Variants in BAZ2B observed in about 807,000 individuals in gnomAD.
BAZ2B encodes bromodomain adjacent to zinc finger domain 2B.
BAZ2B carries 91 observed loss-of-function variants against 246.0 expected under a neutral mutation model. The ratio of observed to expected loss-of-function variants is 0.37; its 90% CI spans 0.31 to 0.44. The LOEUF (loss-of-function observed/expected upper bound fraction) is 0.44. Ranked by LOEUF, BAZ2B falls within the 20% of genes least tolerant of loss-of-function variation. The probability of loss-of-function intolerance (pLI) is 1.00; values close to 1 mark genes in which losing one functional copy is unlikely to be tolerated. For synonymous variants in BAZ2B, 855 were observed against 860.0 expected, an observed-to-expected ratio of 0.99 and a Z score of 0.10; for missense variants, 2,332 against 2,533.7, an observed-to-expected ratio of 0.92 and a Z score of 1.71.
At chr2:159,670,428 A>ACTATATCT in the BAZ2B span, among the ~76,000 whole-genome samples, 1 of 152,310 alleles carries the variant, frequency 6.6e-6, no homozygotes, top group Non-Finnish European at 1.5e-5. Context: ...CAAGCAGAAC[A>ACTATATCT]CTATATCTCT....
chr2:159,611,518 G>A (rs1301888328), intron 1 of BAZ2B, among the ~76,000 whole-genome samples: 1 of 151,804 alleles, frequency 6.6e-6, no homozygotes, highest in Non-Finnish European at 1.5e-5. Context: ...AAAAGGAAAG[G>A]GTCCCTATAA....
rs917085950 is a variant in BAZ2B, at chr2:159,319,604, T to A, written c.*661A>T. 1 of 152,758 alleles carries A rather than the reference T, an allele frequency of 6.5e-6. No individual in the cohort carries two copies. 9.5% of individuals were successfully genotyped at this position (152,758 alleles called of 1,614,324 possible). A position where few individuals can be genotyped will look rare whatever the true frequency, so the allele number is the denominator to read the frequency against. ...ATACATGTCAATTTTTTCACTGTTTTGAAATACAATTTAACTACACAAGTG... is the reference window on the plus strand; with the variant it reads ...ATACATGTCAATTTTTTCACTGTTTAGAAATACAATTTAACTACACAAGTG... On this transcript the variant is annotated 3_prime_UTR_variant, in exon 37 of 37. Transcript: ENST00000392783. This position sits in a 1 kb window ranked among gnomAD's most constrained non-coding sequence, Gnocchi z 4.0.
At chr2:159,680,734 T>C in the BAZ2B span, among the ~76,000 whole-genome samples, 1 of 152,130 alleles carries the variant, frequency 6.6e-6, no homozygotes, top group African/African-American at 2.4e-5. Context: ...CTTATATATA[T>C]TCCTTATCCT....
intron 1 of BAZ2B, among the ~76,000 whole-genome samples, chr2:159,607,860 T>C (rs1553751705): frequency 6.6e-6 from 1 of 152,218 alleles, no homozygotes; most frequent in Non-Finnish European, 1.5e-5. Flanking sequence ...TGAACTTCCA[T>C]AAATTGTTAT....
intron 18 of BAZ2B, among the ~76,000 whole-genome samples, chr2:159,398,533 G>A (rs928168876): frequency 2.0e-5 from 3 of 151,800 alleles, no homozygotes; most frequent in African/African-American, 2.4e-5. Flanking sequence ...AACAGTTTTG[G>A]GGGGGGTCAT....
rs374460414 is a variant in BAZ2B, at chr2:159,348,970, T to A, written c.5137+37A>T. ...AATACAGGAATCCATAATATTGAAA[T>A]TGAGTAAGTGGCTGTAAACCATCTC... On this transcript the variant is annotated intron_variant, in intron 29 of 36. Transcript: ENST00000392783. The A allele has an allele frequency of 6.5e-5, 104 of 1,601,302 alleles. No homozygotes were observed. The African/African-American group carries it at 1.3e-3, about 19-fold the overall frequency.
intron 34 of BAZ2B, among the ~76,000 whole-genome samples, chr2:159,331,649 T>A (rs1053531416): frequency 6.6e-6 from 1 of 152,200 alleles, no homozygotes; most frequent in South Asian, 2.1e-4. Flanking sequence ...AGTGCTTGAA[T>A]TACAGGTGTG....
intron 16 of BAZ2B, among the ~76,000 whole-genome samples, chr2:159,403,962 T>TGA (rs2065499870): frequency 6.6e-6 from 1 of 152,138 alleles, no homozygotes. Context: ...AAATCCCAAC[T>TGA]CTATATCAAC....
At chr2:159,595,937 T>C (rs1157302598) in intron 1 of BAZ2B, among the ~76,000 whole-genome samples, 1 of 152,230 alleles carries the variant, frequency 6.6e-6, no homozygotes, top group African/African-American at 2.4e-5. Flanking sequence ...TTCCACCACT[T>C]GGCTACGCTG....
At chr2:159,468,765 C>G (rs1457421677) in intron 3 of BAZ2B, among the ~76,000 whole-genome samples, 5 of 152,134 alleles carry the variant, frequency 3.3e-5, no homozygotes, top group Non-Finnish European at 7.4e-5. Flanking sequence ...TAGGAAAAGG[C>G]CTTGTGCGGT....
rs2076400660 is a variant in BAZ2B, at chr2:159,461,465, TG to T, written c.146-7665del. The T allele has an allele frequency of 2.0e-5, 3 of 152,634 alleles. No individual in the cohort carries two copies. In the South Asian group the frequency reaches 6.2e-4, roughly 32 times the overall value. 9.5% of individuals were successfully genotyped at this position (152,634 alleles called of 1,614,324 possible). On this transcript the variant is annotated intron_variant, in intron 3 of 36. Transcript: ENST00000392783. ...CAGGTTACAATAGAAAGATACTGCC[TG>T]GAAGTTATCCTTTTCATTTTGGTTC...
At chr2:159,691,947 T>C in the BAZ2B span, among the ~76,000 whole-genome samples, 2 of 152,226 alleles carry the variant, frequency 1.3e-5, no homozygotes. Flanking sequence ...CAATTAACTT[T>C]ATGCAGTTAT....
chr2:159,535,379 G>A (rs6754092), intron 2 of BAZ2B, among the ~76,000 whole-genome samples: 75,087 of 146,620 alleles, frequency 0.51, 20,327 homozygotes, highest in Middle Eastern at 0.63. Flanking sequence ...AAAATTAGCT[G>A]GGCATGGTGG....
the BAZ2B span, chr2:159,689,715 T>C: frequency 2.4e-6 from 1 of 424,226 alleles, no homozygotes; most frequent in Non-Finnish European, 4.3e-6. Context: ...AGACGATAAA[T>C]AGATTGGCAA....
the BAZ2B span, among the ~76,000 whole-genome samples, chr2:159,674,312 G>A: frequency 1.4e-5 from 2 of 148,036 alleles, no homozygotes; most frequent in African/African-American, 2.5e-5. Context: ...TCCAGCCTGG[G>A]CAACGAAGTG....
chr2:159,618,486 G>T (rs1209474899), upstream of BAZ2B, among the ~76,000 whole-genome samples: 1 of 152,000 alleles, frequency 6.6e-6, no homozygotes, highest in Non-Finnish European at 1.5e-5. Context: ...TACTAATAAT[G>T]TTCCAGAAGA....
At chr2:159,601,428 G>GA (rs11379463) in intron 1 of BAZ2B, among the ~76,000 whole-genome samples, 133,465 of 146,370 alleles carry the variant, frequency 0.91, 61,358 homozygotes, top group East Asian at 1. Flanking sequence ...TGTCTCAAAA[G>GA]AAAAAAAAAA....
chr2:159,381,404 T>C (rs1468935123), intron 25 of BAZ2B, among the ~76,000 whole-genome samples: 1 of 152,134 alleles, frequency 6.6e-6, no homozygotes, highest in African/African-American at 2.4e-5. Flanking sequence ...TTCCCTATTT[T>C]AGTTAATGGC....
chr2:159,381,665 C>G (rs2062008764), intron 25 of BAZ2B, among the ~76,000 whole-genome samples: 1 of 152,178 alleles, frequency 6.6e-6, no homozygotes, highest in African/African-American at 2.4e-5. Flanking sequence ...GTCTTTCTCA[C>G]AGCTGCCAGA....
Sources: allele counts gnomAD v4.1 joint callset (sites outside exome capture counted in the v4.1 genomes callset), GRCh38; gene constraint gnomAD v4.1.1; non-coding constraint Gnocchi (gnomAD v3.1); transcripts MANE v1.5; gene names NCBI Gene and HGNC (gene_info 2026-07-23, HGNC 2026-07-21).